SLC22A12: variants seen among roughly 807,000 people sequenced by gnomAD.
SLC22A12 encodes solute carrier family 22 member 12, also known as organic anion transporter 4-like protein.
Under a neutral mutation model 52.7 loss-of-function variants are expected in SLC22A12, and 56 were observed. That is an observed-to-expected ratio of 1.06 (90% confidence interval 0.86 to 1.33). The LOEUF (loss-of-function observed/expected upper bound fraction) is 1.33. Among genes scored for constraint, SLC22A12 ranks in the 40% most tolerant of loss-of-function variants. The pLI, the probability that SLC22A12 is intolerant of heterozygous loss-of-function variation, is 0.00. For synonymous variants in SLC22A12, 337 were observed against 324.6 expected (o/e 1.04, Z -0.41); for missense variants, 683 against 741.5 (o/e 0.92, Z 0.92).
Position 64,600,430 on chromosome 11 carries a change from C to G in SLC22A12, c.1349C>G (p.Thr450Ser), listed in dbSNP as rs201423508. Residue 450 changes from threonine (T) to serine (S), a missense_variant, in exon 8 of 10, where the codon ACC (threonine) becomes AGC (serine). Thr to Ser is a moderately conservative substitution (Grantham distance 58, BLOSUM62 1). Coordinates refer to ENST00000377574, the MANE Select transcript of SLC22A12 (RefSeq NM_144585.4). ...LGLGGVGAAF[T>S]CITIYSSELF... is the part of the protein sequence containing the mutation. ...CTGGGCGGGGTGGGGGCTGCCTTCACCTGCATCACCATCTACAGCAGCGAG... is the reference window on the plus strand; with the variant it reads ...CTGGGCGGGGTGGGGGCTGCCTTCAGCTGCATCACCATCTACAGCAGCGAG... 2.2e-5 allele frequency: 36 copies of G among 1,608,078 alleles called. No homozygotes were observed. The highest frequency in any genetic ancestry group is 3.1e-5 in the Non-Finnish European group (36 of 1,179,374).
intron 4 of SLC22A12, among the ~76,000 whole-genome samples, chr11:64,598,092 C>A (rs994606164): frequency 6.6e-5 from 10 of 152,008 alleles, no homozygotes; most frequent in African/African-American, 2.4e-4. Flanking sequence ...CAGGGGTGGA[C>A]CCCAGTCGCC....
intron 4 of SLC22A12, among the ~76,000 whole-genome samples, chr11:64,594,398 G>A (rs937474830): frequency 1.9e-4 from 29 of 152,266 alleles, no homozygotes; most frequent in African/African-American, 6.5e-4. Context: ...CAAATCAGGC[G>A]TGGCCCTTGC....
At position 64,591,776 on chromosome 11, in the gene SLC22A12, G is replaced by T. The variant is rs200961759; in HGVS notation, c.220G>T (p.Ala74Ser). 1.7e-4 allele frequency: 275 copies of T among 1,612,746 alleles called. No individual in the cohort carries two copies. The highest frequency in any genetic ancestry group is 2.2e-4 in the Non-Finnish European group (262 of 1,180,010). The part of the protein sequence containing the change: ...LGSLSPEALL[A>S]ISIPPGPNQR... ...GAGCTTGAGTCCTGAGGCCCTCCTG[G>T]CTATTTCCATCCCGCCGGGCCCCAA... The change falls in exon 1 of 10, where the codon GCT becomes TCT. Residue 74 changes from alanine to serine, a missense_variant. Transcript: ENST00000377574.
intron 6 of SLC22A12, among the ~76,000 whole-genome samples, 163 bp downstream of exon 6, chr11:64,599,086 G>A (rs185727938): frequency 5.9e-5 from 9 of 152,302 alleles, no homozygotes; most frequent in Admixed American, 4.6e-4. Flanking sequence ...AACCCAGGCC[G>A]GGTGGGCTCA....
At chr11:64,598,422 G>A in intron 4 of SLC22A12, 94 bp from the exon 5 acceptor site, 2 of 1,526,378 alleles carry the variant, frequency 1.3e-6, no homozygotes, top group Non-Finnish European at 1.8e-6. Flanking sequence ...CCTTGGGCCT[G>A]GAGCAGTGGG....
At chr11:64,593,869 G>A in intron 4 of SLC22A12, 66 bp downstream of exon 4, 4 of 1,563,862 alleles carry the variant, frequency 2.6e-6, no homozygotes, top group Non-Finnish European at 3.4e-6. Flanking sequence ...GGGGGAATGG[G>A]AGACTCTCCT....
rs370100606 is a variant in SLC22A12, at chr11:64,599,836, G to A, written c.1231G>A (p.Ala411Thr). 41 of 1,612,726 alleles carry A rather than the reference G, an allele frequency of 2.5e-5. No homozygotes were observed. The highest frequency in any genetic ancestry group is 1.6e-4 in the Middle Eastern group (1 of 6,082). ...SHLGRRPTLA[A>T]SLLLAGLCIL... Reference sequence around the variant, plus strand: ...CCTGGGCCGCCGCCCCACGCTGGCCGCATCCCTGTTGCTGGCAGGGCTCTG... The same window carrying A: ...CCTGGGCCGCCGCCCCACGCTGGCCACATCCCTGTTGCTGGCAGGGCTCTG... Residue 411 changes from alanine to threonine, a missense_variant, in exon 7 of 10, where the codon GCA becomes ACA. By Grantham distance (58) the Ala-to-Thr change is moderately conservative. Coordinates refer to ENST00000377574, the MANE Select transcript of SLC22A12 (RefSeq NM_144585.4).
chr11:64,594,165 C>G (rs2039011669), intron 4 of SLC22A12, among the ~76,000 whole-genome samples: 1 of 152,262 alleles, frequency 6.6e-6, no homozygotes, highest in African/African-American at 2.4e-5. Flanking sequence ...GTGTGCCAGG[C>G]ATGGCAGCAC....
intron 6 of SLC22A12, among the ~76,000 whole-genome samples, chr11:64,599,199 G>A (rs1460056086): frequency 6.6e-6 from 1 of 152,192 alleles, no homozygotes; most frequent in Non-Finnish European, 1.5e-5. Flanking sequence ...TGACGAAGGG[G>A]TGATCCAGGC....
intron 7 of SLC22A12, 61 bp from the exon 8 acceptor site, chr11:64,600,306 G>A (rs768119997): frequency 5.4e-5 from 71 of 1,309,674 alleles, no homozygotes; most frequent in Non-Finnish European, 7.3e-5. Flanking sequence ...CTGGGCTGAA[G>A]GGAGCCCTCA....
Position 64,601,620 on chromosome 11 carries a change from G to A in SLC22A12, c.*69G>A. The A allele has an allele frequency of 6.4e-7, 1 of 1,553,506 alleles. No individual in the cohort carries two copies. Among genetic ancestry groups the A allele is most frequent in the Non-Finnish European group, 8.8e-7 (1 of 1,131,650 alleles). ...CTTCTGTTCTCTGGAGAAGGCAGGA[G>A]GAAAGCAAAGACCTCCATTTCCAGA... is the stretch of plus-strand genomic sequence containing the variant. On this transcript the variant is annotated 3_prime_UTR_variant, in exon 10 of 10. Transcript: ENST00000377574.
chr11:64,592,567 G>A (rs2038953923), intron 1 of SLC22A12, among the ~76,000 whole-genome samples: 1 of 152,180 alleles, frequency 6.6e-6, no homozygotes. Flanking sequence ...CCATGGAAGA[G>A]TTCAGGCAGA....
intron 4 of SLC22A12, among the ~76,000 whole-genome samples, chr11:64,594,682 CGGATGGATGGAT>C (rs200147816): frequency 5.3e-4 from 72 of 135,060 alleles, no homozygotes; most frequent in Admixed American, 2.4e-3. Context: ...GATGGATGGA[CGGATGGATGGAT>C]GGATGGATGG....
intron 4 of SLC22A12, among the ~76,000 whole-genome samples, chr11:64,595,334 GTTGAATGGATGGTTGA>G (rs1565136361): frequency 1.2e-5 from 1 of 81,794 alleles, no homozygotes; most frequent in African/African-American, 4.3e-5. Context: ...TGGATGGATG[GTTGAATGGATGGTTGA>G]ATGGATGGAT....
intron 4 of SLC22A12, among the ~76,000 whole-genome samples, chr11:64,595,930 GGAT>G: frequency 1.5e-4 from 2 of 12,974 alleles, no homozygotes; most frequent in South Asian, 2.2e-3. Context: ...AAAGATGGAT[GGAT>G]GGATGGATGG....
intron 4 of SLC22A12, among the ~76,000 whole-genome samples, chr11:64,595,691 G>C (rs1403196755): frequency 1.3e-5 from 2 of 149,458 alleles, no homozygotes; most frequent in African/African-American, 2.5e-5. Context: ...TGGATGGATG[G>C]TTGGAATAGA....
At chr11:64,601,303 A>C (rs1471531179) in intron 9 of SLC22A12, among the ~76,000 whole-genome samples, 185 bp from the exon 10 acceptor site, 3 of 152,084 alleles carry the variant, frequency 2.0e-5, no homozygotes, top group Non-Finnish European at 4.4e-5. Flanking sequence ...CTACCTCTAA[A>C]GCCCTGATGG....
At chr11:64,593,346 C>T in intron 2 of SLC22A12, 59 bp from the exon 3 acceptor site, 1 of 1,612,066 alleles carries the variant, frequency 6.2e-7, no homozygotes, top group South Asian at 1.1e-5. Context: ...TGTTCCAGAG[C>T]CCCGTGGCCT....
Position 64,601,712 on chromosome 11 carries a change from C to G in SLC22A12, c.*161C>G, listed in dbSNP as rs927714205. ...GCTGCCCCTCCAGGTGAGCCCTGCC[C>G]CTCTCACAGTCCAAGGGGCCCCCTT... is the stretch of plus-strand genomic sequence containing the variant. On this transcript the variant is annotated 3_prime_UTR_variant, in exon 10 of 10. Coordinates refer to ENST00000377574, the MANE Select transcript of SLC22A12 (RefSeq NM_144585.4). 1 of 754,060 alleles carries G rather than the reference C, an allele frequency of 1.3e-6. No homozygotes were observed. Among genetic ancestry groups the G allele is most frequent in the Admixed American group, 2.1e-5 (1 of 47,062 alleles). The allele number at this position is 754,060 out of a possible 1,614,324, so 46.7% of individuals were successfully genotyped here.
Sources: gnomAD v4.1 joint callset for allele counts (sites outside exome capture counted in the v4.1 genomes callset) on GRCh38, gnomAD v4.1.1 for gene constraint, MANE v1.5 for transcripts, NCBI Gene and HGNC (gene_info 2026-07-23, HGNC 2026-07-21) for gene names.